ZFYVE28: variants seen among roughly 807,000 people sequenced by gnomAD.
ZFYVE28 encodes lateral signaling target protein 2 homolog.
In ZFYVE28, 40 loss-of-function variants were observed where a neutral mutation model predicts 82.1. That is an observed-to-expected ratio of 0.49 (90% CI 0.38 to 0.63). ZFYVE28 has a LOEUF of 0.63. ZFYVE28 is among the 30% of genes least tolerant of loss of function. The probability of loss-of-function intolerance (pLI) is 0.00; values close to 1 mark genes in which losing one functional copy is unlikely to be tolerated. For synonymous variants in ZFYVE28, 612 were observed against 546.1 expected (o/e 1.12, Z -1.68); for missense variants, 1,321 against 1,242.1 (o/e 1.06, Z -0.96).
At chr4:2,353,813 C>T in intron 2 of ZFYVE28, 120 bp downstream of exon 2, 1 of 1,228,144 alleles carries the variant, frequency 8.1e-7, no homozygotes, top group Non-Finnish European at 1.0e-6. Context: ...TCTCTAGCAC[C>T]CGACCCTGAC....
intron 1 of ZFYVE28, among the ~76,000 whole-genome samples, chr4:2,368,876 G>A (rs1350870235): frequency 6.6e-6 from 1 of 152,202 alleles, no homozygotes; most frequent in Non-Finnish European, 1.5e-5. Context: ...AACTTTTTGA[G>A]CAACTGCCAG....
intron 8 of ZFYVE28, among the ~76,000 whole-genome samples, chr4:2,277,097 C>G (rs1577863901): frequency 6.6e-6 from 1 of 152,194 alleles, no homozygotes; most frequent in African/African-American, 2.4e-5. Flanking sequence ...ACAGAAGGCT[C>G]AGGGGTATTA....
At position 2,285,920 on chromosome 4, in the gene ZFYVE28, C is replaced by G. The variant is rs1268172924; in HGVS notation, c.2052-11704G>C. On this transcript the variant is annotated intron_variant, in intron 8 of 12. Coordinates refer to ENST00000290974, the MANE Select transcript of ZFYVE28 (RefSeq NM_020972.3). The stretch of plus-strand genomic sequence containing the variant: ...CGCAGGTCTCTCCTGGATGTGTCAC[C>G]CGGTCTTGGCGCATTGTCTTGGAGC... 6 of 152,366 alleles carry G rather than the reference C, an allele frequency of 3.9e-5. No individual in the cohort carries two copies. The East Asian group carries it at 1.2e-3, about 29-fold the overall frequency. 9.4% of individuals were successfully genotyped at this position (152,366 alleles called of 1,614,324 possible).
At chr4:2,358,160 G>A (rs561669829) in intron 1 of ZFYVE28, among the ~76,000 whole-genome samples, 2 of 152,314 alleles carry the variant, frequency 1.3e-5, no homozygotes, top group South Asian at 4.2e-4. Context: ...GTGTGTGCAA[G>A]TATGTACATG....
intron 1 of ZFYVE28, among the ~76,000 whole-genome samples, chr4:2,401,657 CAG>C (rs1731194320): frequency 6.6e-6 from 1 of 152,232 alleles, no homozygotes; most frequent in East Asian, 1.9e-4. Context: ...CCTTTTTGGT[CAG>C]AGTTGCCAGG....
intron 1 of ZFYVE28, among the ~76,000 whole-genome samples, chr4:2,395,507 G>C (rs75286588): frequency 6.6e-6 from 1 of 152,190 alleles, no homozygotes; most frequent in Non-Finnish European, 1.5e-5. Flanking sequence ...AGTGTGAGGG[G>C]TGGGGACTCC....
intron 2 of ZFYVE28, among the ~76,000 whole-genome samples, chr4:2,352,538 G>A (rs1724636896): frequency 6.6e-6 from 1 of 151,664 alleles, no homozygotes; most frequent in Non-Finnish European, 1.5e-5. Flanking sequence ...ATGATGCTGA[G>A]GGACCTGGAC....
At position 2,304,844 on chromosome 4, in the gene ZFYVE28, T is replaced by G. The variant is rs764390010; in HGVS notation, c.1496A>C (p.Glu499Ala). 10 of 1,612,586 alleles carry G rather than the reference T, an allele frequency of 6.2e-6. No individual in the cohort carries two copies. The South Asian group carries it at 1.1e-4, about 18-fold the overall frequency. Reference protein sequence around the residue: ...DGWEVGADDAETAEMIAHRTG... With the variant: ...DGWEVGADDAATAEMIAHRTG... ...CCGGTGGGCGATCATCTCAGCCGTC[T>G]CTGCGTCATCCGCACCCACCTCCCA... The change falls in exon 8 of 13, where the codon GAG becomes GCG. Residue 499 changes from glutamate (E) to alanine (A), a missense_variant. Physicochemically the swap from Glu to Ala is moderately radical, Grantham distance 107. This residue lies in a region of ZFYVE28 where 978 missense variants were observed against 833.7 expected (regional missense o/e 1.17). Transcript: ENST00000290974.
At chr4:2,404,418 G>GAC (rs1553866971) in intron 1 of ZFYVE28, among the ~76,000 whole-genome samples, 1 of 151,430 alleles carries the variant, frequency 6.6e-6, no homozygotes, top group Non-Finnish European at 1.5e-5. Flanking sequence ...GCTCATGCCA[G>GAC]TGTCATTCAT....
At chr4:2,326,915 T>G (rs964523228) in intron 6 of ZFYVE28, among the ~76,000 whole-genome samples, 1 of 152,132 alleles carries the variant, frequency 6.6e-6, no homozygotes, top group African/African-American at 2.4e-5. Flanking sequence ...TTATTAGTCC[T>G]AACAGTTTTT....
intron 6 of ZFYVE28, among the ~76,000 whole-genome samples, chr4:2,334,921 G>A (rs61789442): frequency 0.42 from 54,706 of 131,386 alleles, 12,676 homozygotes; most frequent in Middle Eastern, 0.52. Flanking sequence ...CTCCGCCCCC[G>A]TGACCATCCG....
chr4:2,341,693 A>C lies in ZFYVE28; in HGVS notation c.181-78T>G. 1 of 1,554,364 alleles carries C rather than the reference A, an allele frequency of 6.4e-7. No individual in the cohort carries two copies. The highest frequency in any genetic ancestry group is 8.8e-7 in the Non-Finnish European group (1 of 1,139,474). On this transcript the variant is annotated intron_variant, in intron 2 of 12. Coordinates refer to ENST00000290974, the MANE Select transcript of ZFYVE28 (RefSeq NM_020972.3). This position sits in a 1 kb window ranked among gnomAD's most constrained non-coding sequence, Gnocchi z 4.5. The stretch of plus-strand genomic sequence containing the variant: ...CGCCATGTACTGCTGGAAAACACGC[A>C]CGGTGCATGTGACTGTTTTTTAGGA...
At chr4:2,308,961 C>T (rs1717114149) in intron 7 of ZFYVE28, among the ~76,000 whole-genome samples, 1 of 152,094 alleles carries the variant, frequency 6.6e-6, no homozygotes, top group South Asian at 2.1e-4. Flanking sequence ...TCTTGGACAT[C>T]GTTAATTTGA....
At chr4:2,340,710 G>A in intron 3 of ZFYVE28, among the ~76,000 whole-genome samples, 1 of 152,140 alleles carries the variant, frequency 6.6e-6, no homozygotes, top group East Asian at 1.9e-4. Context: ...AACTGAGGCT[G>A]GGGAGGAGGG....
intron 1 of ZFYVE28, among the ~76,000 whole-genome samples, chr4:2,410,697 G>A (rs1460241351): frequency 1.3e-5 from 2 of 151,864 alleles, no homozygotes; most frequent in East Asian, 1.9e-4. Flanking sequence ...GGGTTTCACC[G>A]TGTTAGCCAG....
Position 2,335,617 on chromosome 4 carries a change from T to C in ZFYVE28, c.701+88A>G. On this transcript the variant is annotated intron_variant, in intron 6 of 12. Transcript: ENST00000290974. This position sits in a 1 kb window ranked among gnomAD's most constrained non-coding sequence, Gnocchi z 5.8. ...CGGCCACCGTGAGGTGGAGACGCCATGGACCGGCACCCGCACGGGACCTGG... is the reference window on the plus strand; with the variant it reads ...CGGCCACCGTGAGGTGGAGACGCCACGGACCGGCACCCGCACGGGACCTGG... The C allele has an allele frequency of 3.1e-6, 4 of 1,300,880 alleles. No individual in the cohort carries two copies. The highest frequency in any genetic ancestry group is 2.0e-5 in the Admixed American group (1 of 50,250). The allele number at this position is 1,300,880 out of a possible 1,614,324, so 80.6% of individuals were successfully genotyped here.
intron 1 of ZFYVE28, among the ~76,000 whole-genome samples, chr4:2,354,954 A>T (rs1322995652): frequency 2.0e-5 from 3 of 151,606 alleles, no homozygotes; most frequent in African/African-American, 7.3e-5. Context: ...GCACTGTGGC[A>T]GGAAACTCTA....
chr4:2,318,642 G>A (rs959253020), intron 7 of ZFYVE28, among the ~76,000 whole-genome samples: 4 of 152,180 alleles, frequency 2.6e-5, no homozygotes, highest in East Asian at 1.9e-4. Context: ...CCATCGGGGC[G>A]GCAGGGCCAG....
chr4:2,414,043 A>AC (rs1254825294), intron 1 of ZFYVE28, among the ~76,000 whole-genome samples: 2 of 151,642 alleles, frequency 1.3e-5, no homozygotes, highest in African/African-American at 4.9e-5. Context: ...ACCTTGCCCC[A>AC]CCCCCCACTC....
Sources: allele counts gnomAD v4.1 joint callset (sites outside exome capture counted in the v4.1 genomes callset), GRCh38; gene constraint gnomAD v4.1.1; regional missense constraint gnomAD v4.1.1; non-coding constraint Gnocchi (gnomAD v3.1); transcripts MANE v1.5; gene names NCBI Gene and HGNC (gene_info 2026-07-23, HGNC 2026-07-21).